Variants in RAB6A observed in about 807,000 individuals in gnomAD.
The protein encoded by RAB6A is RAB6A, member RAS oncogene family, also known as ras-related protein Rab-6A.
In RAB6A, 8 loss-of-function variants were observed where a neutral mutation model predicts 32.3. The ratio of observed to expected loss-of-function variants is 0.25; its 90% CI spans 0.15 to 0.45. RAB6A has a LOEUF of 0.45. Among genes scored for constraint, RAB6A ranks in the 20% least tolerant of loss-of-function variants. RAB6A has a pLI of 1.00. For missense variants in RAB6A, 104 were observed against 249.4 expected, an observed-to-expected ratio of 0.42 and a Z score of 3.93; for synonymous variants, 73 against 82.1, an observed-to-expected ratio of 0.89 and a Z score of 0.60.
chr11:73,740,203 ACT>A (rs1946472909), intron 1 of RAB6A, among the ~76,000 whole-genome samples: 1 of 152,142 alleles, frequency 6.6e-6, no homozygotes, highest in Admixed American at 6.6e-5. Context: ...TATATTTTTT[ACT>A]TTTTCCCACA....
At position 73,739,304 on chromosome 11, in the gene RAB6A, T is replaced by TATATATATATATAA. The variant is rs375733945; in HGVS notation, c.71-8482_71-8481insTTATATATATATAT. Among the ~76,000 whole-genome samples, 197 of 31,644 alleles carry TATATATATATATAA rather than the reference T, an allele frequency of 6.2e-3. 21 individuals carry two copies. The highest frequency in any genetic ancestry group is 0.012 in the Non-Finnish European group (155 of 13,338). 20.8% of individuals were successfully genotyped at this position (31,644 alleles called of 152,430 possible). A position where few individuals can be genotyped will look rare whatever the true frequency, so the allele number is the denominator to read the frequency against. On this transcript the variant is annotated intron_variant, in intron 1 of 7. Transcript: ENST00000336083. ...AAAAAAATATATATATATATATATA[T>TATATATATATATAA]AAATACTGGAACACCAAAGATAACT... is the stretch of plus-strand genomic sequence containing the variant.
intron 1 of RAB6A, among the ~76,000 whole-genome samples, chr11:73,753,579 C>T (rs930757402): frequency 3.3e-5 from 5 of 151,558 alleles, no homozygotes; most frequent in Admixed American, 2.0e-4. Flanking sequence ...GGCATGGTGG[C>T]GGGCGCCTGT....
intron 6 of RAB6A, among the ~76,000 whole-genome samples, chr11:73,704,812 C>T (rs748491942): frequency 4.6e-5 from 7 of 151,712 alleles, no homozygotes; most frequent in Non-Finnish European, 7.4e-5. Context: ...CTGGTGAACA[C>T]GGTGAAACCC....
intron 6 of RAB6A, among the ~76,000 whole-genome samples, chr11:73,706,215 T>A (rs1945839595): frequency 6.6e-6 from 1 of 152,116 alleles, no homozygotes; most frequent in Non-Finnish European, 1.5e-5. Flanking sequence ...CACCCTCAAT[T>A]AAGAAAATTA....
intron 1 of RAB6A, 134 bp downstream of exon 1, chr11:73,760,432 A>G: frequency 8.1e-7 from 1 of 1,229,678 alleles, no homozygotes; most frequent in South Asian, 1.6e-5. Context: ...CGGGGGGCAC[A>G]TCGGGAAGGG....
intron 6 of RAB6A, among the ~76,000 whole-genome samples, chr11:73,693,096 T>C (rs1315328530): frequency 6.6e-6 from 1 of 152,062 alleles, no homozygotes; most frequent in Non-Finnish European, 1.5e-5. Flanking sequence ...AAGACCAGCC[T>C]AGCCAACATG....
intron 1 of RAB6A, among the ~76,000 whole-genome samples, chr11:73,735,798 T>C (rs1946383410): frequency 6.6e-6 from 1 of 151,840 alleles, no homozygotes; most frequent in Non-Finnish European, 1.5e-5. Context: ...GACATAATCT[T>C]GAAGTTACAG....
chr11:73,679,548 GT>G, intron 7 of RAB6A, 105 bp downstream of exon 7: 1 of 1,400,522 alleles, frequency 7.1e-7, no homozygotes, highest in Non-Finnish European at 1.0e-6. Context: ...TAAGTCATCA[GT>G]TCCTGGTTGT....
intron 1 of RAB6A, among the ~76,000 whole-genome samples, chr11:73,733,786 G>T (rs2134978749): frequency 6.6e-6 from 1 of 152,092 alleles, no homozygotes; most frequent in South Asian, 2.1e-4. Context: ...TAGAAGTCAA[G>T]AAAAGTTGTA....
At chr11:73,738,962 T>C (rs1321670977) in intron 1 of RAB6A, among the ~76,000 whole-genome samples, 1 of 150,432 alleles carries the variant, frequency 6.6e-6, no homozygotes. Flanking sequence ...AAAACTAAAC[T>C]AAACTAAACT....
Position 73,680,664 on chromosome 11 carries a change from G to C in RAB6A, c.496-944C>G, listed in dbSNP as rs139508703. ...AAGACTTCTTCTTGGCGGGGGTGTG[G>C]GGGGGAGAGTTAGGTTCTGAAGTCA... On this transcript the variant is annotated intron_variant, in intron 6 of 7. Transcript: ENST00000336083. 2.8e-3 allele frequency among the ~76,000 whole-genome samples: 424 copies of C among 152,160 alleles called. 2 individuals are homozygous for C. The highest frequency in any genetic ancestry group is 0.024 in the Middle Eastern group (7 of 294).
intron 3 of RAB6A, among the ~76,000 whole-genome samples, chr11:73,720,539 T>G (rs1946119913): frequency 6.6e-6 from 1 of 152,134 alleles, no homozygotes; most frequent in East Asian, 1.9e-4. Flanking sequence ...ACAAAAAAAA[T>G]CTTGAAGTTC....
chr11:73,731,369 C>T (rs1269842431), intron 1 of RAB6A, among the ~76,000 whole-genome samples: 4 of 151,688 alleles, frequency 2.6e-5, no homozygotes, highest in Admixed American at 6.6e-5. Context: ...ATGGTGAAAT[C>T]GTGTCTCTAC....
At chr11:73,697,934 T>C (rs1590837411) in intron 6 of RAB6A, among the ~76,000 whole-genome samples, 1 of 152,320 alleles carries the variant, frequency 6.6e-6, no homozygotes, top group Non-Finnish European at 1.5e-5. Context: ...GAAGTCCTAC[T>C]GTGGGCTGGG....
chr11:73,698,896 G>A (rs1945697922), intron 6 of RAB6A, among the ~76,000 whole-genome samples: 1 of 135,898 alleles, frequency 7.4e-6, no homozygotes, highest in African/African-American at 2.7e-5. Flanking sequence ...CTGTCGCCCA[G>A]GCTGTAATGC....
intron 6 of RAB6A, among the ~76,000 whole-genome samples, chr11:73,699,877 TCAC>T (rs1242240406): frequency 6.6e-6 from 1 of 152,168 alleles, no homozygotes; most frequent in African/African-American, 2.4e-5. Flanking sequence ...AAAGATATGA[TCAC>T]CACCAATGCA....
intron 6 of RAB6A, among the ~76,000 whole-genome samples, chr11:73,686,307 G>A (rs1350077419): frequency 6.6e-6 from 1 of 152,164 alleles, no homozygotes; most frequent in Non-Finnish European, 1.5e-5. Flanking sequence ...TGTAATCCCA[G>A]GACTTTGGGA....
At position 73,739,263 on chromosome 11, in the gene RAB6A, TAAAAAAA is replaced by T. The variant is rs58629008; in HGVS notation, c.71-8447_71-8441del. On this transcript the variant is annotated intron_variant, in intron 1 of 7. Coordinates refer to ENST00000336083, the MANE Select transcript of RAB6A (RefSeq NM_198896.2). ...GCAAAAAAAAAATAGTAATAATAAT[TAAAAAAA>T]AAAAAAAAAAAAAAATATATATATA... Among the ~76,000 whole-genome samples, 31 of 9,378 alleles carry T rather than the reference TAAAAAAA, an allele frequency of 3.3e-3. 1 individual carries two copies. Among genetic ancestry groups the T allele is most frequent in the South Asian group, 7.4e-3 (1 of 136 alleles). 6.2% of individuals were successfully genotyped at this position (9,378 alleles called of 152,430 possible).
rs180954836 is a variant in RAB6A at position 73,710,070 on chromosome 11, C to A, written c.402-2557G>T. Among the ~76,000 whole-genome samples, 3 of 149,276 alleles carry A rather than the reference C, an allele frequency of 2.0e-5. No homozygotes were observed. The East Asian group carries it at 5.9e-4, about 29-fold the overall frequency. On this transcript the variant is annotated intron_variant, in intron 5 of 7. Transcript: ENST00000336083. The stretch of plus-strand genomic sequence containing the variant: ...ACCTCCCAGGTTCACGCCATTCTCC[C>A]GCCTCAACCTCCGGAGTAGCTGGGA...
Sources: gnomAD v4.1 joint callset for allele counts (sites outside exome capture counted in the v4.1 genomes callset) on GRCh38, gnomAD v4.1.1 for gene constraint, MANE v1.5 for transcripts, NCBI Gene and HGNC (gene_info 2026-07-23, HGNC 2026-07-21) for gene names.